The following E2F5 variants were observed in gnomAD, a reference collection of about 807,000 sequenced individuals.
The protein encoded by E2F5 is transcription factor E2F5.
In E2F5, 23 loss-of-function variants were observed where a neutral mutation model predicts 39.1. That is an observed-to-expected ratio of 0.59 (90% confidence interval 0.42 to 0.83). The LOEUF (loss-of-function observed/expected upper bound fraction) is 0.83. Among genes scored for constraint, E2F5 ranks in the 40% least tolerant of loss-of-function variants. E2F5 has a pLI of 0.00. For missense variants in E2F5, 365 were observed against 406.7 expected, an observed-to-expected ratio of 0.90 and a Z score of 0.88; for synonymous variants, 145 against 157.8, an observed-to-expected ratio of 0.92 and a Z score of 0.61.
intron 4 of E2F5, 70 bp downstream of exon 4, chr8:85,206,290 CCT>C (rs1213100636): frequency 2.0e-5 from 29 of 1,434,230 alleles, no homozygotes; most frequent in Non-Finnish European, 2.5e-5. Flanking sequence ...TTCAGAATTC[CCT>C]GTGTCCTCAT....
intron 1 of E2F5, 148 bp downstream of exon 1, chr8:85,177,802 C>T (rs1812118119): frequency 2.6e-6 from 3 of 1,141,240 alleles, no homozygotes; most frequent in Non-Finnish European, 3.2e-6. Flanking sequence ...ATGTGGCCTG[C>T]GCCCGGGTCG....
At chr8:85,201,016 G>A (rs1812686472) in intron 1 of E2F5, among the ~76,000 whole-genome samples, 1 of 152,162 alleles carries the variant, frequency 6.6e-6, no homozygotes, top group African/African-American at 2.4e-5. Flanking sequence ...TAACCTGGGG[G>A]TTTTGGTGGC....
At chr8:85,208,665 A>G (rs891990252) in intron 5 of E2F5, among the ~76,000 whole-genome samples, 1 of 152,218 alleles carries the variant, frequency 6.6e-6, no homozygotes, top group Non-Finnish European at 1.5e-5. Context: ...GATACAGATT[A>G]CTTTTTCAGC....
chr8:85,186,432 C>G (rs934720857), intron 1 of E2F5, among the ~76,000 whole-genome samples: 1 of 151,718 alleles, frequency 6.6e-6, no homozygotes, highest in Non-Finnish European at 1.5e-5. Flanking sequence ...TTGCAGCAAA[C>G]CACCATGGCA....
At chr8:85,188,595 G>T (rs1268580809) in intron 1 of E2F5, among the ~76,000 whole-genome samples, 1 of 152,178 alleles carries the variant, frequency 6.6e-6, no homozygotes, top group Non-Finnish European at 1.5e-5. Context: ...CCCTGGTATT[G>T]TGAGCTGTCC....
rs1206566160 is a variant in E2F5 at position 85,180,574 on chromosome 8, G to GTTT, written c.234+2939_234+2941dup. ...TATATATGGTTTTTTGGTTGGTCTT[G>GTTT]TTTTTTTTTTTTTTTTTTTTTGAGA... On this transcript the variant is annotated intron_variant, in intron 1 of 7. Transcript: ENST00000416274. 7.0e-4 allele frequency among the ~76,000 whole-genome samples: 40 copies of GTTT among 56,912 alleles called. 5 individuals are homozygous for GTTT. Among genetic ancestry groups the GTTT allele is most frequent in the African/African-American group, 3.0e-3 (39 of 12,904 alleles). The allele number at this position is 56,912 out of a possible 152,430, so 37.3% of individuals were successfully genotyped here.
intron 1 of E2F5, among the ~76,000 whole-genome samples, chr8:85,197,641 GT>G (rs759803864): frequency 6.6e-6 from 1 of 152,016 alleles, no homozygotes; most frequent in Non-Finnish European, 1.5e-5. Flanking sequence ...ATTTTTGTTT[GT>G]TTTTTTCTGT....
chr8:85,202,083 C>G (rs1319331981), intron 1 of E2F5, 64 bp from the exon 2 acceptor site: 22 of 1,326,576 alleles, frequency 1.7e-5, no homozygotes, highest in African/African-American at 7.3e-5. Context: ...AATAATCAAC[C>G]CTTTTTGGCT....
intron 1 of E2F5, among the ~76,000 whole-genome samples, chr8:85,187,059 G>A (rs918876582): frequency 1.3e-5 from 2 of 150,934 alleles, no homozygotes; most frequent in African/African-American, 4.9e-5. Flanking sequence ...GTTTCCCTTT[G>A]TATTTTTTCA....
chr8:85,197,716 GAGTAAATGTAGCCTTTTAA>G (rs1238302743), intron 1 of E2F5, among the ~76,000 whole-genome samples: 4 of 152,226 alleles, frequency 2.6e-5, no homozygotes, highest in African/African-American at 9.6e-5. Flanking sequence ...AATCCTATGA[GAGTAAATGTAGCCTTTTAA>G]AGTAAATGTG....
chr8:85,191,334 A>G (rs1225571887), intron 1 of E2F5, among the ~76,000 whole-genome samples: 1 of 152,188 alleles, frequency 6.6e-6, no homozygotes, highest in Non-Finnish European at 1.5e-5. Flanking sequence ...TTAGACAAGA[A>G]TAAATTTGAG....
intron 1 of E2F5, among the ~76,000 whole-genome samples, chr8:85,180,555 T>TATATATATATA (rs1812187193): frequency 8.5e-6 from 1 of 117,960 alleles, no homozygotes; most frequent in Non-Finnish European, 1.7e-5. Context: ...TATATATATA[T>TATATATATATA]GGTTTTTTGG....
rs552561737 is a variant in E2F5 at position 85,197,075 on chromosome 8, T to C, written c.235-5072T>C. On this transcript the variant is annotated intron_variant, in intron 1 of 7. Transcript: ENST00000416274. ...AGTGGAACTGATTGGTTTTATATAG[T>C]ACTTCTGTTGCACATTTTTTATTTT... is the stretch of plus-strand genomic sequence containing the variant. Among the ~76,000 whole-genome samples, 6 of 152,338 alleles carry C rather than the reference T, an allele frequency of 3.9e-5. No homozygotes were observed. The East Asian group carries it at 1.2e-3, about 29-fold the overall frequency.
intron 1 of E2F5, among the ~76,000 whole-genome samples, chr8:85,190,465 A>G (rs1218296658): frequency 6.7e-6 from 1 of 149,850 alleles, no homozygotes; most frequent in East Asian, 1.9e-4. Context: ...CAAAGTTGCT[A>G]ATCAGCTGAT....
At chr8:85,197,574 A>T (rs1417554117) in intron 1 of E2F5, among the ~76,000 whole-genome samples, 1 of 152,160 alleles carries the variant, frequency 6.6e-6, no homozygotes, top group African/African-American at 2.4e-5. Context: ...TTTGTTTATC[A>T]TATTTTTAGA....
At chr8:85,210,314 T>G (rs1176898119) in intron 6 of E2F5, among the ~76,000 whole-genome samples, 1 of 152,230 alleles carries the variant, frequency 6.6e-6, no homozygotes, top group Non-Finnish European at 1.5e-5. Context: ...AGCTTCTTTT[T>G]GCCCACATCT....
intron 1 of E2F5, among the ~76,000 whole-genome samples, chr8:85,191,094 A>T (rs1563978373): frequency 6.6e-6 from 1 of 152,188 alleles, no homozygotes; most frequent in Non-Finnish European, 1.5e-5. Flanking sequence ...TAGAACTATA[A>T]GATAATAAAT....
At chr8:85,190,296 A>G (rs926163078) in intron 1 of E2F5, among the ~76,000 whole-genome samples, 5 of 148,818 alleles carry the variant, frequency 3.4e-5, no homozygotes, top group Non-Finnish European at 7.4e-5. Context: ...ATACACAAAC[A>G]CACAACTGGC....
In E2F5 at chr8:85,207,496, A is replaced by G. The variant is rs1812823570; in HGVS notation, c.615+7A>G. ...GGTACCCATTCCAGAAATGGTATGT[A>G]GGATAACTTATGTTTATATAAGTGG... On this transcript the variant is annotated splice_region_variant and intron_variant, in intron 5 of 7. Coordinates refer to ENST00000416274, the MANE Select transcript of E2F5 (RefSeq NM_001951.4). 1 of 1,551,626 alleles carries G rather than the reference A, an allele frequency of 6.4e-7. No homozygotes were observed. The highest frequency in any genetic ancestry group is 8.7e-7 in the Non-Finnish European group (1 of 1,146,966).
Sources: allele counts gnomAD v4.1 joint callset (sites outside exome capture counted in the v4.1 genomes callset), GRCh38; gene constraint gnomAD v4.1.1; transcripts MANE v1.5; gene names NCBI Gene and HGNC (gene_info 2026-07-23, HGNC 2026-07-21).